Variants in DNAI7 observed in about 807,000 individuals in gnomAD.
DNAI7 encodes the protein cancer susceptibility 1.
Under a neutral mutation model 86.6 loss-of-function variants are expected in DNAI7, and 78 were observed. That is an observed-to-expected ratio of 0.90 (90% confidence interval 0.75 to 1.09). The LOEUF (loss-of-function observed/expected upper bound fraction) is 1.09. Ranked by LOEUF, DNAI7 falls within the 50% of genes least tolerant of loss-of-function variation. The pLI, the probability that DNAI7 is intolerant of heterozygous loss-of-function variation, is 0.00. For synonymous variants in DNAI7, 274 were observed against 273.0 expected, an observed-to-expected ratio of 1.00 and a Z score of -0.04; for missense variants, 753 against 810.2, an observed-to-expected ratio of 0.93 and a Z score of 0.86.
intron 2 of DNAI7, among the ~76,000 whole-genome samples, chr12:25,186,778 AG>A (rs1950078870): frequency 1.3e-5 from 2 of 151,954 alleles, no homozygotes; most frequent in Non-Finnish European, 1.5e-5. Flanking sequence ...GTAAAAAGGC[AG>A]GGTTTTTTTT....
intron 9 of DNAI7, among the ~76,000 whole-genome samples, chr12:25,138,794 G>A (rs939321794): frequency 1.2e-4 from 9 of 72,932 alleles, no homozygotes; most frequent in Non-Finnish European, 2.9e-4. Context: ...ACACCTCAAG[G>A]AACTAGAGAA....
At chr12:25,109,605 T>C (rs1446261808) in intron 15 of DNAI7, among the ~76,000 whole-genome samples, 8 of 152,162 alleles carry the variant, frequency 5.3e-5, no homozygotes, top group Admixed American at 5.2e-4. Flanking sequence ...GACTCTGGCC[T>C]GGCTTGAAGT....
chr12:25,167,883 T>C (rs1199095368), intron 2 of DNAI7, among the ~76,000 whole-genome samples: 2 of 152,220 alleles, frequency 1.3e-5, no homozygotes, highest in African/African-American at 4.8e-5. Flanking sequence ...TGCTCCTTTA[T>C]GTATCTCTCG....
chr12:25,157,435 TG>T (rs1159276120), intron 4 of DNAI7, among the ~76,000 whole-genome samples: 1 of 152,062 alleles, frequency 6.6e-6, no homozygotes, highest in African/African-American at 2.4e-5. Context: ...TTGCAACAGA[TG>T]GAATACTGAA....
intron 2 of DNAI7, among the ~76,000 whole-genome samples, chr12:25,179,997 A>G (rs1433379172): frequency 1.3e-5 from 2 of 152,194 alleles, no homozygotes; most frequent in Admixed American, 1.3e-4. Context: ...GAGAAAGTCA[A>G]ATTATCTTTG....
chr12:25,132,504 T>C (rs1460653430), intron 9 of DNAI7, among the ~76,000 whole-genome samples: 1 of 140,734 alleles, frequency 7.1e-6, no homozygotes. Flanking sequence ...TTGGATACTT[T>C]ACAATTATTT....
chr12:25,161,591 A>G (rs1432024355), intron 2 of DNAI7, among the ~76,000 whole-genome samples: 4 of 152,258 alleles, frequency 2.6e-5, no homozygotes, highest in Admixed American at 2.6e-4. Context: ...TCTTATGACT[A>G]ACAGGTATAC....
chr12:25,189,168 C>T lies in DNAI7; in HGVS notation c.21+1446G>A, dbSNP rs993646424. ...AAGGGTGGTAGATTAAATGGGGTTT[C>T]GCATATTCATTCAACAAATATTGAA... is the stretch of plus-strand genomic sequence containing the variant. On this transcript the variant is annotated intron_variant, in intron 2 of 15. Transcript: ENST00000395987. 5.9e-5 allele frequency among the ~76,000 whole-genome samples: 9 copies of T among 152,134 alleles called. No individual in the cohort carries two copies. In the East Asian group the frequency reaches 7.7e-4, roughly 13 times the overall value.
rs1249423665 is a variant in DNAI7 at position 25,191,661 on chromosome 12, C to T, written c.4-1030G>A. On this transcript the variant is annotated intron_variant, in intron 1 of 15. Transcript: ENST00000395987. Reference sequence around the variant, plus strand: ...GGAGCTGCAGTAAGCCAACATCGCACCACTGCACTCCAGTCTGGGTGACAG... The same window carrying T: ...GGAGCTGCAGTAAGCCAACATCGCATCACTGCACTCCAGTCTGGGTGACAG... Among the ~76,000 whole-genome samples, 5 of 152,070 alleles carry T rather than the reference C, an allele frequency of 3.3e-5. No homozygotes were observed. The East Asian group carries it at 9.6e-4, about 29-fold the overall frequency.
intron 9 of DNAI7, among the ~76,000 whole-genome samples, chr12:25,143,997 G>A (rs1381639050): frequency 6.6e-6 from 1 of 152,120 alleles, no homozygotes; most frequent in Non-Finnish European, 1.5e-5. Context: ...ACCAAAAACT[G>A]AGGAAGTAAC....
chr12:25,121,811 A>G lies in DNAI7; in HGVS notation c.1181T>C (p.Leu394Ser). 1 of 1,607,996 alleles carries G rather than the reference A, an allele frequency of 6.2e-7. No individual in the cohort carries two copies. Residue 394 changes from leucine (L) to serine (S), a missense_variant, in exon 11 of 16, where the codon TTG becomes TCG. Coordinates refer to ENST00000395987, the MANE Select transcript of DNAI7 (RefSeq NM_018272.5). ...QFTTLGGVYH[L>S]DILELPPQCK... is the part of the protein sequence containing the mutation. ...CTGTGGAGGAAGCTCCAAAATATCCAAGTGGTATACTCCACCCAGAGTTGT... is the reference window on the plus strand; with the variant it reads ...CTGTGGAGGAAGCTCCAAAATATCCGAGTGGTATACTCCACCCAGAGTTGT...
At chr12:25,145,889 G>A (rs1944766720) in intron 8 of DNAI7, among the ~76,000 whole-genome samples, 2 of 152,100 alleles carry the variant, frequency 1.3e-5, no homozygotes, top group Admixed American at 6.6e-5. Flanking sequence ...AAACTATTGG[G>A]GAAATAGCAC....
chr12:25,183,051 T>C (rs1949706481), intron 2 of DNAI7, among the ~76,000 whole-genome samples: 1 of 151,866 alleles, frequency 6.6e-6, no homozygotes, highest in Admixed American at 6.6e-5. Flanking sequence ...CATAGCATAC[T>C]ACACAGCCAT....
chr12:25,108,405 A>C lies in DNAI7; in HGVS notation c.*143T>G. On this transcript the variant is annotated 3_prime_UTR_variant, in exon 16 of 16. Transcript: ENST00000395987. ...AAAAAAAATACTGTTTTTAAAATAAAACTTGAGTAGAAAATGCAGATTAGA... is the reference window on the plus strand; with the variant it reads ...AAAAAAAATACTGTTTTTAAAATAACACTTGAGTAGAAAATGCAGATTAGA... 1.4e-6 allele frequency: 1 copy of C among 721,202 alleles called. No individual in the cohort carries two copies. Among genetic ancestry groups the C allele is most frequent in the South Asian group, 2.8e-5 (1 of 35,306 alleles). The allele number at this position is 721,202 out of a possible 1,614,324, so 44.7% of individuals were successfully genotyped here.
rs181674333 is a variant in DNAI7 at position 25,135,698 on chromosome 12, G to T, written c.1002+8667C>A. ...GGGAGTGAGACTGGCCTTGATGGAT[G>T]TGTAGGAGCTGGGTGAGGCCCATCA... On this transcript the variant is annotated intron_variant, in intron 9 of 15. Coordinates refer to ENST00000395987, the MANE Select transcript of DNAI7 (RefSeq NM_018272.5). Among the ~76,000 whole-genome samples the T allele has an allele frequency of 9.0e-4, 137 of 152,234 alleles. 2 individuals are homozygous for T. In the Middle Eastern group the frequency reaches 0.01, roughly 11 times the overall value.
At chr12:25,146,636 C>G (rs1944875292) in intron 8 of DNAI7, among the ~76,000 whole-genome samples, 1 of 151,572 alleles carries the variant, frequency 6.6e-6, no homozygotes, top group South Asian at 2.1e-4. Context: ...ACCACTTCTA[C>G]TTTTTTGGAG....
chr12:25,143,477 T>C (rs577695972), intron 9 of DNAI7, among the ~76,000 whole-genome samples: 1 of 151,834 alleles, frequency 6.6e-6, no homozygotes, highest in South Asian at 2.1e-4. Flanking sequence ...CTCGAACTCC[T>C]GACCTCAAAG....
At chr12:25,111,402 G>A (rs1938792806) in intron 14 of DNAI7, among the ~76,000 whole-genome samples, 1 of 152,150 alleles carries the variant, frequency 6.6e-6, no homozygotes. Context: ...GGTGGTCCTT[G>A]TATTTTTAAT....
intron 9 of DNAI7, among the ~76,000 whole-genome samples, chr12:25,133,234 T>C (rs1363018170): frequency 2.0e-5 from 3 of 151,988 alleles, no homozygotes; most frequent in Non-Finnish European, 4.4e-5. Context: ...CCAGCACCAA[T>C]TGTTATATCA....
Sources: gnomAD v4.1 joint callset for allele counts (sites outside exome capture counted in the v4.1 genomes callset) on GRCh38, gnomAD v4.1.1 for gene constraint, MANE v1.5 for transcripts, NCBI Gene and HGNC (gene_info 2026-07-23, HGNC 2026-07-21) for gene names.